Variants in ABCA5 observed in about 807,000 individuals in gnomAD.
ABCA5 encodes the protein ATP binding cassette subfamily A member 5.
A neutral mutation model predicts 206.0 loss-of-function variants in ABCA5; 163 were observed. The observed-to-expected ratio is 0.79, with a 90% CI of 0.70 to 0.90. The LOEUF (loss-of-function observed/expected upper bound fraction) is 0.90, where lower values mean the gene tolerates loss of function less well. Among genes scored for constraint, ABCA5 ranks in the 40% least tolerant of loss-of-function variants. The pLI is 0.00. For missense variants in ABCA5, 1,859 were observed against 1,912.9 expected (o/e 0.97, Z 0.53); for synonymous variants, 609 against 613.8 (o/e 0.99, Z 0.11).
intron 23 of ABCA5, among the ~76,000 whole-genome samples, chr17:69,267,330 T>G (rs889966251): frequency 2.6e-5 from 4 of 151,778 alleles, no homozygotes; most frequent in African/African-American, 9.7e-5. Context: ...CTCAGCAGAG[T>G]GAAAAAGTGG....
At position 69,273,288 on chromosome 17, in the gene ABCA5, A is replaced by G. The variant is rs551515680; in HGVS notation, c.2764+671T>C. Among the ~76,000 whole-genome samples the G allele has an allele frequency of 2.5e-4, 38 of 152,184 alleles. 1 individual carries two copies. In the South Asian group the frequency reaches 7.2e-3, roughly 29 times the overall value. On this transcript the variant is annotated intron_variant, in intron 20 of 38. Coordinates refer to ENST00000392676, the MANE Select transcript of ABCA5 (RefSeq NM_172232.4). ...CACTTCTATGCAGACACATACCTGT[A>G]TAAATATTATGTACTACAACTCTTT...
intron 1 of ABCA5, among the ~76,000 whole-genome samples, chr17:69,320,944 C>T (rs1241089981): frequency 3.3e-5 from 5 of 151,952 alleles, no homozygotes; most frequent in African/African-American, 7.3e-5. Context: ...CATTGTCTCT[C>T]GACAATTGGT....
Position 69,327,092 on chromosome 17 carries a change from TCA to T in ABCA5, c.-58_-57del, listed in dbSNP as rs1457038895. On this transcript the variant is annotated 5_prime_UTR_variant, in exon 1 of 39. Coordinates refer to ENST00000392676, the MANE Select transcript of ABCA5 (RefSeq NM_172232.4). ...GCAGAGCTGTCAGGCCTGGACGCGCTCAGTCTGTTGACTCAGTGCGGGTGACC... is the reference window on the plus strand; with the variant it reads ...GCAGAGCTGTCAGGCCTGGACGCGCTGTCTGTTGACTCAGTGCGGGTGACC... 4 of 153,118 alleles carry T rather than the reference TCA, an allele frequency of 2.6e-5. No homozygotes were observed. The highest frequency in any genetic ancestry group is 4.4e-5 in the Non-Finnish European group (3 of 68,742). 9.5% of individuals were successfully genotyped at this position (153,118 alleles called of 1,614,324 possible).
chr17:69,295,091 A>C (rs189344088), intron 10 of ABCA5, among the ~76,000 whole-genome samples: 123 of 152,242 alleles, frequency 8.1e-4, no homozygotes, highest in African/African-American at 2.9e-3. Flanking sequence ...CACTAAAGAA[A>C]ATGTTAAGAA....
chr17:69,314,341 TTTAA>T lies in ABCA5; in HGVS notation c.71_74del (p.Ile24AsnfsTer22). On this transcript the variant is annotated frameshift_variant, in exon 2 of 39. Coordinates refer to ENST00000392676, the MANE Select transcript of ABCA5 (RefSeq NM_172232.4). LOFTEE classifies it high-confidence loss of function. Reference sequence around the variant, plus strand: ...GAACACTACTCTTTTTGGTTCTGCATTTAATTAAGTAATTCTTCAGTAGAAGTGT... The same window carrying T: ...GAACACTACTCTTTTTGGTTCTGCATTTAAGTAATTCTTCAGTAGAAGTGT... 1 of 1,613,630 alleles carries T rather than the reference TTTAA, an allele frequency of 6.2e-7. No individual in the cohort carries two copies. Among genetic ancestry groups the T allele is most frequent in the African/African-American group, 1.3e-5 (1 of 75,036 alleles).
In ABCA5 at chr17:69,245,436, T is replaced by C. The variant is rs1389866788; in HGVS notation, c.*2101A>G. On this transcript the variant is annotated 3_prime_UTR_variant, in exon 39 of 39. Coordinates refer to ENST00000392676, the MANE Select transcript of ABCA5 (RefSeq NM_172232.4). ...AGACATTTTAAAATTAGTATGTTCA[T>C]AAACATGAACTGTACACTGTAAATA... The C allele has an allele frequency of 6.6e-6, 1 of 151,992 alleles. No individual in the cohort carries two copies. Among genetic ancestry groups the C allele is most frequent in the Non-Finnish European group, 1.5e-5 (1 of 67,848 alleles). 9.4% of individuals were successfully genotyped at this position (151,992 alleles called of 1,614,324 possible).
intron 11 of ABCA5, among the ~76,000 whole-genome samples, chr17:69,293,871 T>C (rs902258521): frequency 1.3e-3 from 145 of 115,370 alleles, no homozygotes; most frequent in African/African-American, 4.1e-3. Context: ...TGTGTGTGTG[T>C]GCGTGTGTGT....
chr17:69,284,595 T>C (rs1478338261), intron 17 of ABCA5, among the ~76,000 whole-genome samples: 8 of 152,114 alleles, frequency 5.3e-5, no homozygotes, highest in Non-Finnish European at 1.0e-4. Flanking sequence ...CTATTACGGG[T>C]TAACACAATT....
In ABCA5 at chr17:69,273,718, A is replaced by C. The variant is rs542555133; in HGVS notation, c.2764+241T>G. Among the ~76,000 whole-genome samples, 4 of 152,192 alleles carry C rather than the reference A, an allele frequency of 2.6e-5. No individual in the cohort carries two copies. The East Asian group carries it at 7.7e-4, about 29-fold the overall frequency. ...TGATCCACCCGCCTTGGCCTCCCAA[A>C]GTGCTGGGATTACAGGTGGGAGCCA... On this transcript the variant is annotated intron_variant, in intron 20 of 38. Transcript: ENST00000392676.
Position 69,287,738 on chromosome 17 carries a change from T to C in ABCA5, c.1916A>G (p.Asp639Gly). 3 of 1,613,186 alleles carry C rather than the reference T, an allele frequency of 1.9e-6. No homozygotes were observed. The highest frequency in any genetic ancestry group is 2.2e-5 in the East Asian group (1 of 44,824). Reference sequence around the variant, plus strand: ...GGGGTCCATTCCAGCTGTTGGTTCATCTAGCAGCAGTATCTGTGTGAAAAG... The same window carrying C: ...GGGGTCCATTCCAGCTGTTGGTTCACCTAGCAGCAGTATCTGTGTGAAAAG... ...VLGNPKILLL[D>G]EPTAGMDPCS... The change falls in exon 15 of 39, where the codon GAT becomes GGT. Residue 639 changes from aspartate (D) to glycine (G), a missense_variant. By Grantham distance (94) the Asp-to-Gly change is moderately conservative. Coordinates refer to ENST00000392676, the MANE Select transcript of ABCA5 (RefSeq NM_172232.4).
rs2075897236 is a variant in ABCA5 at position 69,326,426 on chromosome 17, A to G, written c.-16+626T>C. ...AGGGGAAAACCTCCTTCAGCTTAAT[A>G]GCTCCAGCCTGCCCAGCTTTCCGAT... On this transcript the variant is annotated intron_variant, in intron 1 of 38. Transcript: ENST00000392676. The surrounding 1 kb of genome is among the most constrained non-coding windows in gnomAD (Gnocchi z 4.8). 6.6e-6 allele frequency among the ~76,000 whole-genome samples: 1 copy of G among 152,192 alleles called. No individual in the cohort carries two copies. Among genetic ancestry groups the G allele is most frequent in the Admixed American group, 6.5e-5 (1 of 15,290 alleles).
At chr17:69,290,518 A>G (rs2075514342) in intron 12 of ABCA5, among the ~76,000 whole-genome samples, 1 of 152,142 alleles carries the variant, frequency 6.6e-6, no homozygotes, top group South Asian at 2.1e-4. Context: ...ATTATGAAGA[A>G]TCATGAGGAA....
intron 11 of ABCA5, among the ~76,000 whole-genome samples, chr17:69,293,224 G>T (rs1423539413): frequency 1.3e-5 from 2 of 152,002 alleles, no homozygotes; most frequent in Non-Finnish European, 2.9e-5. Flanking sequence ...ATTAGGGAAG[G>T]TTTATTTTAA....
intron 34 of ABCA5, among the ~76,000 whole-genome samples, chr17:69,252,486 G>A (rs975792578): frequency 1.3e-5 from 2 of 151,978 alleles, no homozygotes; most frequent in Admixed American, 6.6e-5. Context: ...TAAGAAAACC[G>A]TAACATGCAT....
intron 28 of ABCA5, among the ~76,000 whole-genome samples, chr17:69,258,323 T>C (rs1475168619): frequency 6.6e-6 from 1 of 152,154 alleles, no homozygotes; most frequent in Non-Finnish European, 1.5e-5. Context: ...ATATACACCA[T>C]GGAATACTCC....
chr17:69,259,944 T>C (rs565304778), intron 27 of ABCA5, 147 bp from the exon 28 acceptor site: 1 of 450,360 alleles, frequency 2.2e-6, no homozygotes, highest in Non-Finnish European at 4.0e-6. Context: ...ATATTTTACA[T>C]GATAAAGATA....
intron 37 of ABCA5, 160 bp from the exon 38 acceptor site, chr17:69,248,477 T>C: frequency 1.9e-6 from 1 of 516,412 alleles, no homozygotes; most frequent in Non-Finnish European, 3.5e-6. Flanking sequence ...TCCTTTCTCT[T>C]CCCCACACCT....
Position 69,309,375 on chromosome 17 carries a change from C to T in ABCA5, c.356G>A (p.Ser119Asn). The T allele has an allele frequency of 6.2e-7, 1 of 1,600,122 alleles. No individual in the cohort carries two copies. Among genetic ancestry groups the T allele is most frequent in the Non-Finnish European group, 8.5e-7 (1 of 1,175,476 alleles). ...YTNEKEMLTS[S>N]LSKPSNFVGV... ...TACAAAGTTGCTCGGCTTAGAGAGA[C>T]TGGATGTTAACATTTCTTTTTCATT... is the stretch of plus-strand genomic sequence containing the variant. The change falls in exon 4 of 39, where the codon AGT becomes AAT. Residue 119 changes from serine to asparagine, a missense_variant. By Grantham distance (46) the Ser-to-Asn change is conservative. Transcript: ENST00000392676.
chr17:69,296,173 G>A (rs1353019377), intron 10 of ABCA5, among the ~76,000 whole-genome samples: 2 of 152,032 alleles, frequency 1.3e-5, no homozygotes, highest in East Asian at 3.9e-4. Flanking sequence ...CAAATGTGAA[G>A]TGATTTTCTT....
Sources: gnomAD v4.1 joint callset for allele counts (sites outside exome capture counted in the v4.1 genomes callset) on GRCh38, gnomAD v4.1.1 for gene constraint, Gnocchi (gnomAD v3.1) non-coding constraint, MANE v1.5 for transcripts, NCBI Gene and HGNC (gene_info 2026-07-23, HGNC 2026-07-21) for gene names.